The following ULK4 variants were observed in gnomAD, a reference collection of about 807,000 sequenced individuals.
ULK4 encodes the protein inactive serine/threonine-protein kinase ULK4.
Under a neutral mutation model 160.6 loss-of-function variants are expected in ULK4, and 133 were observed. The ratio of observed to expected loss-of-function variants is 0.83; its 90% confidence interval spans 0.72 to 0.96. The LOEUF (loss-of-function observed/expected upper bound fraction) is 0.96, where lower values mean the gene tolerates loss of function less well. Among genes scored for constraint, ULK4 ranks in the 40% least tolerant of loss-of-function variants. ULK4 has a pLI of 0.00. For synonymous variants in ULK4, 534 were observed against 539.8 expected (o/e 0.99, Z 0.15); for missense variants, 1,580 against 1,499.5 (o/e 1.05, Z -0.89).
intron 34 of ULK4, among the ~76,000 whole-genome samples, chr3:41,408,432 A>C (rs1318159742): frequency 1.8e-4 from 17 of 96,854 alleles, no homozygotes; most frequent in Admixed American, 3.2e-4. Context: ...CATCTCAAAA[A>C]AAAAAAAAAA....
intron 17 of ULK4, among the ~76,000 whole-genome samples, chr3:41,855,843 TACTA>T (rs2042323625): frequency 2.0e-5 from 3 of 152,278 alleles, no homozygotes; most frequent in Admixed American, 6.5e-5. Context: ...TCCCAAGGAT[TACTA>T]ACTTACACTA....
rs544390587 is a variant in ULK4 at position 41,645,640 on chromosome 3, G to A, written c.3071+17967C>T. On this transcript the variant is annotated intron_variant, in intron 30 of 36. Coordinates refer to ENST00000301831, the MANE Select transcript of ULK4 (RefSeq NM_017886.4). ...TGTGGTCAATTTTGGAATAGGTGTG[G>A]TGTGGTGCTGAAAAAAATGTATATT... 4.0e-3 allele frequency among the ~76,000 whole-genome samples: 616 copies of A among 152,120 alleles called. 9 individuals carry two copies. Among genetic ancestry groups the A allele is most frequent in the Middle Eastern group, 0.014 (4 of 294 alleles).
At chr3:41,868,151 C>T (rs934386733) in intron 17 of ULK4, among the ~76,000 whole-genome samples, 3 of 152,106 alleles carry the variant, frequency 2.0e-5, no homozygotes, top group Non-Finnish European at 4.4e-5. Context: ...TTCAAATCTT[C>T]CATGTTCTCA....
At chr3:41,376,209 G>T (rs577996348) in intron 35 of ULK4, among the ~76,000 whole-genome samples, 1 of 150,346 alleles carries the variant, frequency 6.7e-6, no homozygotes, top group Non-Finnish European at 1.5e-5. Flanking sequence ...GTGGAAGACA[G>T]TGTGGTAATT....
chr3:41,898,782 A>G (rs1453987902), intron 13 of ULK4, among the ~76,000 whole-genome samples: 4 of 152,272 alleles, frequency 2.6e-5, no homozygotes, highest in Non-Finnish European at 5.9e-5. Context: ...TTAGAAATTC[A>G]GTCATTCAAC....
rs548009412 is a variant in ULK4 at position 41,817,298 on chromosome 3, T to A, written c.1848+2125A>T. 1.2e-3 allele frequency among the ~76,000 whole-genome samples: 186 copies of A among 152,324 alleles called. 1 individual carries two copies. The highest frequency in any genetic ancestry group is 6.8e-3 in the Middle Eastern group (2 of 294). ...TGTTTAGCTAAATAATATTTCATGG[T>A]ATATATATGCCACATTTTCTGTATT... On this transcript the variant is annotated intron_variant, in intron 19 of 36. Transcript: ENST00000301831.
intron 31 of ULK4, among the ~76,000 whole-genome samples, chr3:41,571,005 A>G (rs2087953523): frequency 6.6e-6 from 1 of 152,232 alleles, no homozygotes; most frequent in Admixed American, 6.5e-5. Context: ...AAAGAGATGA[A>G]TAATCCCATA....
At chr3:41,470,044 AAAC>A (rs1295321942) in intron 32 of ULK4, among the ~76,000 whole-genome samples, 123 of 116,672 alleles carry the variant, frequency 1.1e-3, no homozygotes, top group Admixed American at 1.8e-3. Flanking sequence ...AAAAAAAAAA[AAAC>A]AAAGTATTTT....
intron 32 of ULK4, among the ~76,000 whole-genome samples, chr3:41,555,459 A>G (rs748519313): frequency 5.9e-5 from 9 of 152,206 alleles, no homozygotes; most frequent in Non-Finnish European, 1.0e-4. Context: ...ATGCAAATCA[A>G]ACCACAATGA....
intron 34 of ULK4, among the ~76,000 whole-genome samples, chr3:41,419,632 C>A (rs2082613634): frequency 6.6e-6 from 1 of 152,154 alleles, no homozygotes. Context: ...CACCAGCACT[C>A]TGCAGAAACT....
At chr3:41,332,481 A>C (rs1318809648) in intron 35 of ULK4, among the ~76,000 whole-genome samples, 1 of 152,220 alleles carries the variant, frequency 6.6e-6, no homozygotes, top group East Asian at 1.9e-4. Context: ...GAAGCTAGAA[A>C]TCTTAACTGC....
chr3:41,921,459 C>A (rs1699178511), intron 5 of ULK4, among the ~76,000 whole-genome samples: 2 of 151,242 alleles, frequency 1.3e-5, no homozygotes, highest in African/African-American at 4.9e-5. Flanking sequence ...AAAAAAAATA[C>A]AAAAAATTAG....
chr3:41,434,333 A>G (rs574719973), intron 34 of ULK4, among the ~76,000 whole-genome samples: 39 of 152,216 alleles, frequency 2.6e-4, no homozygotes, highest in African/African-American at 9.2e-4. Flanking sequence ...ACTGATATGG[A>G]AATTTTGTTA....
chr3:41,498,037 G>T (rs1014177159), intron 32 of ULK4, among the ~76,000 whole-genome samples: 1 of 152,026 alleles, frequency 6.6e-6, no homozygotes, highest in Non-Finnish European at 1.5e-5. Context: ...TCTGAATAGC[G>T]TTATCAAATA....
intron 35 of ULK4, among the ~76,000 whole-genome samples, chr3:41,344,772 A>T (rs2125754600): frequency 6.6e-6 from 1 of 151,200 alleles, no homozygotes; most frequent in Non-Finnish European, 1.5e-5. Context: ...AAAAAAAAAA[A>T]AGGCAAAAAT....
Position 41,286,341 on chromosome 3 carries a change from A to G in ULK4, c.3679-36767T>C, listed in dbSNP as rs2079457135. On this transcript the variant is annotated intron_variant, in intron 35 of 36. Transcript: ENST00000301831. ...AGACAGCTTTTTTTGGCCAGAGAGTAAAGTTCCAGAGCCAGGATTTGGCAT... is the reference window on the plus strand; with the variant it reads ...AGACAGCTTTTTTTGGCCAGAGAGTGAAGTTCCAGAGCCAGGATTTGGCAT... Among the ~76,000 whole-genome samples, 5 of 152,220 alleles carry G rather than the reference A, an allele frequency of 3.3e-5. No homozygotes were observed. The South Asian group carries it at 1.0e-3, about 32-fold the overall frequency.
intron 19 of ULK4, among the ~76,000 whole-genome samples, chr3:41,819,155 T>C (rs937453045): frequency 1.3e-5 from 2 of 152,180 alleles, no homozygotes; most frequent in Admixed American, 1.3e-4. Context: ...ATTAAGAATA[T>C]GCTATTGAAT....
At chr3:41,893,476 AT>A (rs907380523) in intron 16 of ULK4, among the ~76,000 whole-genome samples, 7 of 152,124 alleles carry the variant, frequency 4.6e-5, no homozygotes, top group African/African-American at 7.2e-5. Context: ...TATTGATACA[AT>A]TTTTTTAAGA....
At chr3:41,353,277 C>A (rs2080948135) in intron 35 of ULK4, among the ~76,000 whole-genome samples, 1 of 152,122 alleles carries the variant, frequency 6.6e-6, no homozygotes, top group Non-Finnish European at 1.5e-5. Flanking sequence ...AACTACAGAC[C>A]AGATTAATCT....
Sources: allele counts gnomAD v4.1 joint callset (sites outside exome capture counted in the v4.1 genomes callset), GRCh38; gene constraint gnomAD v4.1.1; transcripts MANE v1.5; gene names NCBI Gene and HGNC (gene_info 2026-07-23, HGNC 2026-07-21).